Variants in ZNF385C observed in about 807,000 individuals in gnomAD.
The protein encoded by ZNF385C is zinc finger protein 385C.
Under a neutral mutation model 35.4 loss-of-function variants are expected in ZNF385C, and 28 were observed. The ratio of observed to expected loss-of-function variants is 0.79; its 90% CI spans 0.59 to 1.08. The LOEUF (loss-of-function observed/expected upper bound fraction) is 1.08. Among genes scored for constraint, ZNF385C ranks in the 50% least tolerant of loss-of-function variants. ZNF385C has a pLI of 0.00. For synonymous variants in ZNF385C, 248 were observed against 248.2 expected (o/e 1.00, Z 0.01); for missense variants, 605 against 595.6 (o/e 1.02, Z -0.16).
intron 1 of ZNF385C, among the ~76,000 whole-genome samples, chr17:42,094,247 T>G (rs2053894607): frequency 6.6e-6 from 1 of 152,118 alleles, no homozygotes; most frequent in Non-Finnish European, 1.5e-5. Context: ...CCTCCCAAAG[T>G]GCTAGTATTA....
intron 1 of ZNF385C, among the ~76,000 whole-genome samples, chr17:42,074,353 G>T (rs1567994777): frequency 6.6e-6 from 1 of 152,080 alleles, no homozygotes; most frequent in Non-Finnish European, 1.5e-5. Context: ...TGGGGGAATT[G>T]TATGGTATGC....
chr17:42,037,211 C>T (rs1298989718), intron 3 of ZNF385C, among the ~76,000 whole-genome samples: 1 of 152,146 alleles, frequency 6.6e-6, no homozygotes, highest in African/African-American at 2.4e-5. Context: ...ACACAAAAGA[C>T]ACAAGGACAC....
At chr17:42,057,240 A>G (rs943706735) in intron 2 of ZNF385C, among the ~76,000 whole-genome samples, 1 of 152,180 alleles carries the variant, frequency 6.6e-6, no homozygotes, top group Admixed American at 6.5e-5. Flanking sequence ...CCCAGTTTAT[A>G]AAGTGAGACT....
At position 42,029,075 on chromosome 17, in the gene ZNF385C, T is replaced by C; in HGVS notation, c.677-2A>G. 22 of 1,548,158 alleles carry C rather than the reference T, an allele frequency of 1.4e-5. No individual in the cohort carries two copies. The highest frequency in any genetic ancestry group is 1.9e-5 in the Non-Finnish European group (22 of 1,145,780). ...GCCCAAGAGGAGGGGCTGCAGGAAC[T>C]GCTGCAGAGATGGAAGAGTGTGAGA... On this transcript the variant is annotated splice_acceptor_variant, in intron 5 of 8. Coordinates refer to ENST00000692273, the MANE Select transcript of ZNF385C (RefSeq NM_001392013.1). LOFTEE classifies it high-confidence loss of function.
intron 3 of ZNF385C, among the ~76,000 whole-genome samples, chr17:42,034,936 G>C (rs1217656528): frequency 6.6e-6 from 1 of 151,580 alleles, no homozygotes; most frequent in African/African-American, 2.4e-5. Context: ...AGACCAGCCT[G>C]GCCAAGAGAA....
At chr17:42,052,520 T>A (rs1000479070) in intron 2 of ZNF385C, among the ~76,000 whole-genome samples, 4 of 152,064 alleles carry the variant, frequency 2.6e-5, no homozygotes, top group Non-Finnish European at 4.4e-5. Flanking sequence ...GATACACAGA[T>A]ACCCATGCTG....
chr17:42,032,912 T>A (rs534259840), intron 4 of ZNF385C, among the ~76,000 whole-genome samples: 1 of 151,502 alleles, frequency 6.6e-6, no homozygotes, highest in Non-Finnish European at 1.5e-5. Flanking sequence ...TTAGTAGAGA[T>A]GGGGTTTCAC....
chr17:42,076,350 G>A (rs961866866), intron 1 of ZNF385C, among the ~76,000 whole-genome samples: 1 of 151,556 alleles, frequency 6.6e-6, no homozygotes. Context: ...GGCCGGGCGC[G>A]GTGGCTCACG....
chr17:42,042,341 G>A (rs1181862815), intron 2 of ZNF385C, among the ~76,000 whole-genome samples: 1 of 152,142 alleles, frequency 6.6e-6, no homozygotes, highest in African/African-American at 2.4e-5. Flanking sequence ...GGCCAACATG[G>A]TGATACCCCG....
chr17:42,039,071 T>A (rs890026415), intron 2 of ZNF385C: 1 of 151,942 alleles, frequency 6.6e-6, no homozygotes, highest in African/African-American at 2.4e-5. Context: ...GCCAACATGG[T>A]GAAACCCTGT....
At chr17:42,037,378 TAC>T (rs5820441) in intron 3 of ZNF385C, among the ~76,000 whole-genome samples, 7,120 of 144,502 alleles carry the variant, frequency 0.049, 184 homozygotes, top group East Asian at 0.076. Context: ...AGGCACAGGT[TAC>T]ACACACACAC....
chr17:42,093,246 G>A lies in ZNF385C; in HGVS notation c.-3+5164C>T, dbSNP rs180760206. Among the ~76,000 whole-genome samples the A allele has an allele frequency of 3.1e-4, 47 of 152,182 alleles. 1 individual carries two copies. The highest frequency in any genetic ancestry group is 2.7e-3 in the Admixed American group (41 of 15,292). The stretch of plus-strand genomic sequence containing the variant: ...GGTTTGGAGCAGGAAGCTGGGGCCC[G>A]GGGTGGGTGGGCTGAGCTTGACTGC... On this transcript the variant is annotated intron_variant, in intron 1 of 8. Transcript: ENST00000692273.
intron 1 of ZNF385C, among the ~76,000 whole-genome samples, chr17:42,094,082 C>T (rs1555660792): frequency 1.3e-5 from 2 of 151,768 alleles, no homozygotes; most frequent in African/African-American, 4.8e-5. Flanking sequence ...CTCCCAGGTA[C>T]AAACGATTCT....
intron 1 of ZNF385C, among the ~76,000 whole-genome samples, chr17:42,082,676 T>C (rs1458950471): frequency 6.6e-6 from 1 of 152,242 alleles, no homozygotes; most frequent in African/African-American, 2.4e-5. Context: ...TTCATGCCTG[T>C]AATCCCAGCA....
At position 42,050,138 on chromosome 17, in the gene ZNF385C, C is replaced by G. The variant is rs2053250279; in HGVS notation, c.251-12253G>C. ...TGCAGACACAGGTCTCCTCTCATTT[C>G]TCTCCACACCCTGACCAGCCGGATG... is the stretch of plus-strand genomic sequence containing the variant. On this transcript the variant is annotated intron_variant, in intron 2 of 8. Transcript: ENST00000692273. The surrounding 1 kb of genome is among the most constrained non-coding windows in gnomAD (Gnocchi z 5.6). 6.6e-6 allele frequency among the ~76,000 whole-genome samples: 1 copy of G among 151,708 alleles called. No individual in the cohort carries two copies. Among genetic ancestry groups the G allele is most frequent in the Non-Finnish European group, 1.5e-5 (1 of 67,900 alleles).
At chr17:42,037,985 A>G in intron 2 of ZNF385C, 100 bp from the exon 3 acceptor site, 2 of 1,539,878 alleles carry the variant, frequency 1.3e-6, no homozygotes, top group Non-Finnish European at 1.7e-6. Context: ...GCTGGGCAGA[A>G]ACCTGTGTCT....
At chr17:42,080,979 T>C (rs2053741862) in intron 1 of ZNF385C, among the ~76,000 whole-genome samples, 1 of 152,196 alleles carries the variant, frequency 6.6e-6, no homozygotes, top group Admixed American at 6.5e-5. Context: ...CATGGGGTTG[T>C]TGGGAGAACC....
intron 2 of ZNF385C, chr17:42,040,925 T>C: frequency 8.1e-7 from 1 of 1,232,200 alleles, no homozygotes; most frequent in Non-Finnish European, 1.0e-6. Flanking sequence ...AGGCTTGAGC[T>C]GAGCCAGGCC....
intron 2 of ZNF385C, chr17:42,039,894 C>A (rs1555655910): frequency 3.2e-6 from 4 of 1,231,358 alleles, no homozygotes; most frequent in Non-Finnish European, 4.0e-6. Flanking sequence ...CCTTGTCCAG[C>A]AGGCCAGCGC....
Sources: allele counts gnomAD v4.1 joint callset (sites outside exome capture counted in the v4.1 genomes callset), GRCh38; gene constraint gnomAD v4.1.1; non-coding constraint Gnocchi (gnomAD v3.1); transcripts MANE v1.5; gene names NCBI Gene and HGNC (gene_info 2026-07-23, HGNC 2026-07-21).